Variants in TNR observed in about 807,000 individuals in gnomAD.
TNR encodes tenascin R.
TNR carries 45 observed loss-of-function variants against 150.4 expected under a neutral mutation model. That is an observed-to-expected ratio of 0.30 (90% CI 0.24 to 0.38). The LOEUF is 0.38. Among genes scored for constraint, TNR ranks in the 10% least tolerant of loss-of-function variants. The probability of loss-of-function intolerance (pLI) is 1.00; values close to 1 mark genes in which losing one functional copy is unlikely to be tolerated. For missense variants in TNR, 1,544 were observed against 1,759.1 expected, an observed-to-expected ratio of 0.88 and a Z score of 2.19; for synonymous variants, 687 against 678.4, an observed-to-expected ratio of 1.01 and a Z score of -0.20.
chr1:175,481,058 T>C (rs1020817896), intron 2 of TNR, among the ~76,000 whole-genome samples: 6 of 152,210 alleles, frequency 3.9e-5, no homozygotes, highest in African/African-American at 1.4e-4. Context: ...TGGATTAGCA[T>C]GCTTTAAGAC....
chr1:175,657,881 A>ATGTGTG lies in TNR; in HGVS notation c.-165+85344_-165+85345insCACACA, dbSNP rs1417710177. The stretch of plus-strand genomic sequence containing the variant: ...TATATATATATATATATATATATAT[A>ATGTGTG]TATGTAACAAACCTGCACGTTGTGC... On this transcript the variant is annotated intron_variant, in intron 1 of 22. Coordinates refer to ENST00000367674, the MANE Select transcript of TNR (RefSeq NM_003285.3). 1.3e-4 allele frequency among the ~76,000 whole-genome samples: 13 copies of ATGTGTG among 102,922 alleles called. 2 individuals are homozygous for ATGTGTG. Among genetic ancestry groups the ATGTGTG allele is most frequent in the Non-Finnish European group, 2.7e-4 (12 of 44,834 alleles). 67.5% of individuals were successfully genotyped at this position (102,922 alleles called of 152,430 possible).
At chr1:175,387,128 C>A (rs1652977280) in intron 7 of TNR, among the ~76,000 whole-genome samples, 1 of 152,178 alleles carries the variant, frequency 6.6e-6, no homozygotes, top group South Asian at 2.1e-4. Flanking sequence ...CTCCAGCACC[C>A]ACTTGAGGTT....
Position 175,359,717 on chromosome 1 carries a change from C to A in TNR, c.2869G>T (p.Val957Leu), listed in dbSNP as rs777538680. 3 of 1,612,106 alleles carry A rather than the reference C, an allele frequency of 1.9e-6. No homozygotes were observed. Among genetic ancestry groups the A allele is most frequent in the South Asian group, 1.1e-5 (1 of 90,758 alleles). Residue 957 changes from valine (V) to leucine (L), a missense_variant, in exon 15 of 23, where the codon GTG (valine) becomes TTG (leucine). This residue lies in a region of TNR where 1,254 missense variants were observed against 1,329.4 expected (regional missense o/e 0.94). Coordinates refer to ENST00000367674, the MANE Select transcript of TNR (RefSeq NM_003285.3). Reference sequence around the variant, plus strand: ...GTGATATTGGTAGCAATCAGATCCACAGGGTTGTCCATGGCTGAAACAGAA... The same window carrying A: ...GTGATATTGGTAGCAATCAGATCCAAAGGGTTGTCCATGGCTGAAACAGAA... ...TLVHTAMDNP[V>L]DLIATNITPT... is the part of the protein sequence containing the mutation.
chr1:175,330,919 G>A (rs1419003991), intron 20 of TNR, among the ~76,000 whole-genome samples: 1 of 152,190 alleles, frequency 6.6e-6, no homozygotes, highest in East Asian at 1.9e-4. Context: ...AACTTCCCAG[G>A]CCTTGGTCTA....
intron 9 of TNR, among the ~76,000 whole-genome samples, chr1:175,378,246 T>C (rs978548956): frequency 6.6e-6 from 1 of 152,236 alleles, no homozygotes; most frequent in Non-Finnish European, 1.5e-5. Flanking sequence ...GACTCGGCTC[T>C]CATTTTATCA....
rs1007497129 is a variant in TNR at position 175,336,774 on chromosome 1, G to A, written c.3534+754C>T. Among the ~76,000 whole-genome samples the A allele has an allele frequency of 5.8e-4, 89 of 152,212 alleles. 1 individual carries two copies. Among genetic ancestry groups the A allele is most frequent in the Non-Finnish European group, 8.8e-5 (6 of 68,026 alleles). On this transcript the variant is annotated intron_variant, in intron 19 of 22. Transcript: ENST00000367674. ...TGGGGAAGGGGAGCCAGCTATCCAT[G>A]TTTGGGGCCTCATCTGCTTTCCCAA...
chr1:175,689,778 C>A (rs1237190390), intron 1 of TNR, among the ~76,000 whole-genome samples: 2 of 152,182 alleles, frequency 1.3e-5, no homozygotes, highest in Non-Finnish European at 2.9e-5. Context: ...GGGAAGACTG[C>A]AGGCTGCGTT....
intron 2 of TNR, among the ~76,000 whole-genome samples, chr1:175,458,889 T>C (rs576449245): frequency 6.6e-6 from 1 of 152,152 alleles, no homozygotes; most frequent in African/African-American, 2.4e-5. Flanking sequence ...ATGTCCACTG[T>C]CCTCCAACTG....
chr1:175,315,635 C>T lies in TNR; in HGVS notation c.*7722G>A, dbSNP rs530013844. ...TCTCAGAACAACAATCTAGAGACCACCAGGGTGGGTTTCAGCTGCTCGGAG... is the reference window on the plus strand; with the variant it reads ...TCTCAGAACAACAATCTAGAGACCATCAGGGTGGGTTTCAGCTGCTCGGAG... On this transcript the variant is annotated 3_prime_UTR_variant, in exon 23 of 23. Coordinates refer to ENST00000367674, the MANE Select transcript of TNR (RefSeq NM_003285.3). The T allele has an allele frequency of 6.6e-6, 1 of 152,234 alleles. No homozygotes were observed. The highest frequency in any genetic ancestry group is 2.4e-5 in the African/African-American group (1 of 41,544). The allele number at this position is 152,234 out of a possible 1,614,324, so 9.4% of individuals were successfully genotyped here.
chr1:175,472,868 C>T (rs1178183595), intron 2 of TNR, among the ~76,000 whole-genome samples: 1 of 152,192 alleles, frequency 6.6e-6, no homozygotes, highest in African/African-American at 2.4e-5. Flanking sequence ...CCCTTCCAGA[C>T]CAGCAGTGAG....
At chr1:175,619,175 A>G (rs148535261) in intron 1 of TNR, among the ~76,000 whole-genome samples, 1,869 of 152,302 alleles carry the variant, frequency 0.012, 43 homozygotes, top group African/African-American at 0.041. Flanking sequence ...CTCCTAGGCC[A>G]TCTCAAGTTG....
intron 1 of TNR, among the ~76,000 whole-genome samples, chr1:175,595,667 A>T (rs1662979571): frequency 1.3e-5 from 2 of 152,194 alleles, no homozygotes; most frequent in Non-Finnish European, 2.9e-5. Flanking sequence ...AAATTACCAG[A>T]CTGAATTGGA....
chr1:175,355,068 C>T (rs1252774376), intron 17 of TNR, among the ~76,000 whole-genome samples: 3 of 152,138 alleles, frequency 2.0e-5, no homozygotes, highest in African/African-American at 7.2e-5. Flanking sequence ...GGCATAAAAG[C>T]CTATTGAATT....
intron 2 of TNR, among the ~76,000 whole-genome samples, chr1:175,499,461 C>A (rs1253003619): frequency 6.6e-6 from 1 of 151,988 alleles, no homozygotes; most frequent in Non-Finnish European, 1.5e-5. Context: ...TTCCCACGTA[C>A]CTCTGGCTCA....
chr1:175,502,271 A>G (rs1658769187), intron 2 of TNR, among the ~76,000 whole-genome samples: 1 of 152,146 alleles, frequency 6.6e-6, no homozygotes, highest in Non-Finnish European at 1.5e-5. Flanking sequence ...GGGAACTCTG[A>G]TGTGCAGAAT....
At chr1:175,384,539 C>T (rs1350446709) in intron 8 of TNR, among the ~76,000 whole-genome samples, 1 of 152,228 alleles carries the variant, frequency 6.6e-6, no homozygotes, top group Non-Finnish European at 1.5e-5. Flanking sequence ...TCTGTACTTG[C>T]TCCTTTTTAA....
rs1468783898 is a variant in TNR at position 175,406,596 on chromosome 1, A to G, written c.119T>C (p.Val40Ala). The change falls in exon 3 of 23, where the codon GTC becomes GCC. Residue 40 changes from valine (V) to alanine (A), a missense_variant. Physicochemically the swap from Val to Ala is moderately conservative, Grantham distance 64. Transcript: ENST00000367674. Reference protein sequence around the residue: ...ECQLEVTTERVQRQSVEEEGG... With the variant: ...ECQLEVTTERAQRQSVEEEGG... Reference sequence around the variant, plus strand: ...CTCCTCCTCCACTGACTGTCTCTGGACCCTTTCTGTGGTGACCTCCAGCTG... The same window carrying G: ...CTCCTCCTCCACTGACTGTCTCTGGGCCCTTTCTGTGGTGACCTCCAGCTG... 6.2e-7 allele frequency: 1 copy of G among 1,614,042 alleles called. No homozygotes were observed. Among genetic ancestry groups the G allele is most frequent in the Admixed American group, 1.7e-5 (1 of 60,020 alleles).
intron 1 of TNR, among the ~76,000 whole-genome samples, chr1:175,551,228 G>A (rs1362916633): frequency 6.6e-6 from 1 of 152,192 alleles, no homozygotes; most frequent in Non-Finnish European, 1.5e-5. Context: ...AAAAGACAAT[G>A]GAGGAGTTTC....
chr1:175,515,360 C>T (rs1659362728), intron 2 of TNR, among the ~76,000 whole-genome samples: 1 of 152,190 alleles, frequency 6.6e-6, no homozygotes, highest in South Asian at 2.1e-4. Flanking sequence ...AATAATTGAG[C>T]TCTGCCCTCA....
Sources: allele counts gnomAD v4.1 joint callset (sites outside exome capture counted in the v4.1 genomes callset), GRCh38; gene constraint gnomAD v4.1.1; regional missense constraint gnomAD v4.1.1; transcripts MANE v1.5; gene names NCBI Gene and HGNC (gene_info 2026-07-23, HGNC 2026-07-21).